The following CR2 variants were observed in gnomAD, a reference collection of about 807,000 sequenced individuals.
CR2 encodes complement receptor type 2.
A neutral mutation model predicts 123.0 loss-of-function variants in CR2; 96 were observed. The ratio of observed to expected loss-of-function variants is 0.78; its 90% CI spans 0.66 to 0.93. The LOEUF is 0.93. CR2 is among the 40% of genes least tolerant of loss of function. CR2 has a pLI of 0.00. For synonymous variants in CR2, 484 were observed against 469.5 expected, an observed-to-expected ratio of 1.03 and a Z score of -0.40; for missense variants, 1,258 against 1,361.0, an observed-to-expected ratio of 0.92 and a Z score of 1.19.
chr1:207,469,989 A>G lies in CR2; in HGVS notation c.1112A>G (p.Tyr371Cys), dbSNP rs551427271. The stretch of plus-strand genomic sequence containing the variant: ...TCTGGGCAGAAAGATCGATATACCT[A>G]TAACGACACTGTGATATTTGCTTGC... ...MVSGQKDRYT[Y>C]NDTVIFACMF... Residue 371 changes from tyrosine to cysteine, a missense_variant, in exon 6 of 20, where the codon TAT (tyrosine) becomes TGT (cysteine). Transcript: ENST00000367057. 5.6e-6 allele frequency: 9 copies of G among 1,614,022 alleles called. No homozygotes were observed. The highest frequency in any genetic ancestry group is 5.3e-5 in the African/African-American group (4 of 75,030).
rs370639422 is a variant in CR2 at position 207,479,938 on chromosome 1, C to T, written c.3113-40C>T. 16 of 1,455,046 alleles carry T rather than the reference C, an allele frequency of 1.1e-5. 1 individual carries two copies. The highest frequency in any genetic ancestry group is 9.8e-5 in the African/African-American group (7 of 71,628). 90.1% of individuals were successfully genotyped at this position (1,455,046 alleles called of 1,614,324 possible). A position where few individuals can be genotyped will look rare whatever the true frequency, so the allele number is the denominator to read the frequency against. On this transcript the variant is annotated intron_variant, in intron 17 of 19. Coordinates refer to ENST00000367057, the MANE Select transcript of CR2 (RefSeq NM_001006658.3). ...AATCAGTCAGAACAATGTAGGTGAT[C>T]GTCTTCTGGCATTTGATACTTGCTG...
In CR2 at chr1:207,468,719, C is replaced by A; in HGVS notation, c.634+4C>A. On this transcript the variant is annotated splice_donor_region_variant and intron_variant, in intron 3 of 19. Coordinates refer to ENST00000367057, the MANE Select transcript of CR2 (RefSeq NM_001006658.3). ...GCTGTCCCCCCCACATGTGAAGGTA[C>A]CCTAAATTTACAATCTATTTTAAGA... 6.2e-7 allele frequency: 1 copy of A among 1,613,886 alleles called. No homozygotes were observed. The highest frequency in any genetic ancestry group is 8.5e-7 in the Non-Finnish European group (1 of 1,179,840).
rs1658565897 is a variant in CR2 at position 207,480,166 on chromosome 1, A to G, written c.3188+113A>G. On this transcript the variant is annotated intron_variant, in intron 18 of 19. Coordinates refer to ENST00000367057, the MANE Select transcript of CR2 (RefSeq NM_001006658.3). ...TGTGAAATAAATACTGCAATGTGAT[A>G]ACTAAATGAAGTATCTCGTGCTATA... 3 of 797,252 alleles carry G rather than the reference A, an allele frequency of 3.8e-6. No individual in the cohort carries two copies. In the South Asian group the frequency reaches 4.2e-5, roughly 11 times the overall value. The allele number at this position is 797,252 out of a possible 1,614,324, so 49.4% of individuals were successfully genotyped here.
chr1:207,480,446 A>G lies in CR2; in HGVS notation c.3188+393A>G, dbSNP rs562170094. 6.2e-5 allele frequency among the ~76,000 whole-genome samples: 9 copies of G among 144,700 alleles called. No individual in the cohort carries two copies. In the East Asian group the frequency reaches 9.8e-4, roughly 16 times the overall value. The allele number at this position is 144,700 out of a possible 152,430, so 94.9% of individuals were successfully genotyped here. On this transcript the variant is annotated intron_variant, in intron 18 of 19. Transcript: ENST00000367057. ...CATTTAGACTCATGTTTATGTTTTT[A>G]TGCTTTAAGTCATGTTTTCAGTTAC...
chr1:207,476,935 TG>T (rs1397380888), intron 15 of CR2, among the ~76,000 whole-genome samples: 1 of 152,274 alleles, frequency 6.6e-6, no homozygotes, highest in African/African-American at 2.4e-5. Flanking sequence ...GCACAGCACC[TG>T]ACATGCATTA....
chr1:207,472,305 T>G (rs1219812601), intron 9 of CR2, among the ~76,000 whole-genome samples: 1 of 152,092 alleles, frequency 6.6e-6, no homozygotes, highest in Non-Finnish European at 1.5e-5. Context: ...GACTTCAAAT[T>G]ATTCAAATTA....
chr1:207,457,743 C>T (rs572597847), intron 1 of CR2, among the ~76,000 whole-genome samples: 1 of 152,252 alleles, frequency 6.6e-6, no homozygotes, highest in African/African-American at 2.4e-5. Flanking sequence ...CCAAGACACT[C>T]TTACCTGTTT....
intron 12 of CR2, 102 bp from the exon 13 acceptor site, chr1:207,474,139 T>G (rs1658365968): frequency 9.4e-6 from 10 of 1,066,028 alleles, no homozygotes; most frequent in Non-Finnish European, 1.4e-5. Context: ...GAATTTCAAC[T>G]CCTCTCTGCC....
chr1:207,462,165 T>C (rs1657982770), intron 1 of CR2, among the ~76,000 whole-genome samples: 1 of 151,850 alleles, frequency 6.6e-6, no homozygotes. Context: ...GGCCTGGGAG[T>C]GACATAAAAA....
intron 12 of CR2, 22 bp from the exon 13 acceptor site, chr1:207,474,219 A>C (rs751687484): frequency 9.0e-6 from 14 of 1,561,084 alleles, no homozygotes; most frequent in Non-Finnish European, 1.2e-5. Flanking sequence ...CAGGAAATGC[A>C]TTATAATCTG....
At chr1:207,469,616 T>C (rs901072097) in intron 5 of CR2, 79 bp from the exon 6 acceptor site, 2 of 1,265,010 alleles carry the variant, frequency 1.6e-6, no homozygotes, top group Non-Finnish European at 2.3e-6. Flanking sequence ...CCTAGGATAG[T>C]GGTATCAAGC....
chr1:207,457,873 T>A (rs1657872390), intron 1 of CR2, among the ~76,000 whole-genome samples: 1 of 152,108 alleles, frequency 6.6e-6, no homozygotes, highest in Admixed American at 6.5e-5. Context: ...AAACCTCAAC[T>A]CATCTTGTCT....
rs772685589 is a variant in CR2 at position 207,466,663 on chromosome 1, A to G, written c.196A>G (p.Ile66Val). The G allele has an allele frequency of 1.9e-6, 3 of 1,614,136 alleles. No homozygotes were observed. The highest frequency in any genetic ancestry group is 3.3e-5 in the Admixed American group (2 of 60,010). ...RLIGEKSLLC[I>V]TKDKVDGTWD... Reference sequence around the variant, plus strand: ...CATTGGAGAAAAAAGTCTATTATGCATAACTAAAGACAAAGTGGATGGAAC... The same window carrying G: ...CATTGGAGAAAAAAGTCTATTATGCGTAACTAAAGACAAAGTGGATGGAAC... Residue 66 changes from isoleucine (I) to valine (V), a missense_variant, in exon 2 of 20, where the codon ATA becomes GTA. Coordinates refer to ENST00000367057, the MANE Select transcript of CR2 (RefSeq NM_001006658.3).
chr1:207,464,843 G>A (rs1226519388), intron 1 of CR2, among the ~76,000 whole-genome samples: 3 of 152,068 alleles, frequency 2.0e-5, no homozygotes, highest in African/African-American at 7.2e-5. Flanking sequence ...TAGATATATG[G>A]TACCTATGGA....
At position 207,469,870 on chromosome 1, in the gene CR2, G is replaced by A. The variant is rs747383697; in HGVS notation, c.993G>A (p.Lys331=). ...TCCGTTGTACAGTTGATAGTCAGAA[G>A]ACTGGGACCTGGAGTGGCCCTGCCC... ...STLRCTVDSQ[K]TGTWSGPAPR... is the part of the protein sequence containing the mutation. Residue 331 remains lysine, a synonymous_variant, in exon 6 of 20, where the codon AAG becomes AAA. Transcript: ENST00000367057. The A allele has an allele frequency of 1.5e-5, 24 of 1,613,874 alleles. No individual in the cohort carries two copies. Among genetic ancestry groups the A allele is most frequent in the Middle Eastern group, 3.3e-4 (2 of 6,080 alleles).
Position 207,470,933 on chromosome 1 carries a change from G to A in CR2, c.1402+17G>A, listed in dbSNP as rs749132096. On this transcript the variant is annotated intron_variant, in intron 7 of 19. Coordinates refer to ENST00000367057, the MANE Select transcript of CR2 (RefSeq NM_001006658.3). ...AATGCAAAGGTGCCAGGCCTCAAAT[G>A]TAGACATTTTGTTAACTTTAAGATT... is the stretch of plus-strand genomic sequence containing the variant. The A allele has an allele frequency of 1.9e-6, 3 of 1,613,712 alleles. No individual in the cohort carries two copies. The African/African-American group carries it at 4.0e-5, about 22-fold the overall frequency.
At chr1:207,455,846 C>A (rs1328895469) in intron 1 of CR2, among the ~76,000 whole-genome samples, 1 of 152,210 alleles carries the variant, frequency 6.6e-6, no homozygotes, top group East Asian at 1.9e-4. Flanking sequence ...GGTCACTTAA[C>A]TGGAGCCCCA....
rs144075435 is a variant in CR2, at chr1:207,472,823, G to T, written c.1622G>T (p.Ser541Ile). ...PVIYNGAHTGSSLEDFPYGTT... is the reference protein window; with the variant it reads ...PVIYNGAHTGISLEDFPYGTT... ...ATCTACAATGGGGCACACACCGGGAGTTCCTTAGAAGATTTTCCATATGGA... is the reference window on the plus strand; with the variant it reads ...ATCTACAATGGGGCACACACCGGGATTTCCTTAGAAGATTTTCCATATGGA... Residue 541 changes from serine to isoleucine, a missense_variant, in exon 10 of 20, where the codon AGT becomes ATT. Physicochemically the swap from Ser to Ile is moderately radical, Grantham distance 142 (BLOSUM62 -2). Transcript: ENST00000367057. 9.9e-4 allele frequency: 1,594 copies of T among 1,613,978 alleles called. 17 individuals carry two copies. In the African/African-American group the frequency reaches 0.018, roughly 18 times the overall value.
At chr1:207,480,298 GAAA>G (rs998705323) in intron 18 of CR2, among the ~76,000 whole-genome samples, 5 of 152,056 alleles carry the variant, frequency 3.3e-5, no homozygotes, top group Non-Finnish European at 7.4e-5. Flanking sequence ...TAGAGAATAG[GAAA>G]AAAATCCCAG....
Sources: gnomAD v4.1 joint callset for allele counts (sites outside exome capture counted in the v4.1 genomes callset) on GRCh38, gnomAD v4.1.1 for gene constraint, MANE v1.5 for transcripts, NCBI Gene and HGNC (gene_info 2026-07-23, HGNC 2026-07-21) for gene names.